The following PPM1E variants were observed in gnomAD, a reference collection of about 807,000 sequenced individuals.
PPM1E encodes the protein protein phosphatase 1E.
Under a neutral mutation model 65.9 loss-of-function variants are expected in PPM1E, and 20 were observed. The observed-to-expected ratio is 0.30, with a 90% CI of 0.21 to 0.44. The LOEUF is 0.44. Among genes scored for constraint, PPM1E ranks in the 20% least tolerant of loss-of-function variants. The pLI is 1.00. For missense variants in PPM1E, 713 were observed against 953.1 expected, an observed-to-expected ratio of 0.75 and a Z score of 3.32; for synonymous variants, 352 against 374.9, an observed-to-expected ratio of 0.94 and a Z score of 0.70.
At position 58,794,584 on chromosome 17, in the gene PPM1E, C is replaced by T. The variant is rs137917002; in HGVS notation, c.464+38123C>T. Among the ~76,000 whole-genome samples the T allele has an allele frequency of 7.8e-3, 1,189 of 152,190 alleles. 12 individuals are homozygous for T. Among genetic ancestry groups the T allele is most frequent in the Non-Finnish European group, 0.012 (811 of 68,004 alleles). On this transcript the variant is annotated intron_variant, in intron 1 of 6. Coordinates refer to ENST00000308249, the MANE Select transcript of PPM1E (RefSeq NM_014906.5). Reference sequence around the variant, plus strand: ...CTCCCACTCTTCATCTTCCGGTAGGCCCCAGTGTCTGTTGTTTCCTTCTTT... The same window carrying T: ...CTCCCACTCTTCATCTTCCGGTAGGTCCCAGTGTCTGTTGTTTCCTTCTTT...
chr17:58,851,647 G>A (rs558333084), intron 1 of PPM1E, among the ~76,000 whole-genome samples: 3 of 152,270 alleles, frequency 2.0e-5, no homozygotes, highest in Admixed American at 1.3e-4. Flanking sequence ...TGGAAGTTTC[G>A]TCTCAGAGGG....
intron 1 of PPM1E, among the ~76,000 whole-genome samples, chr17:58,941,417 G>C (rs1042486464): frequency 6.6e-6 from 1 of 151,994 alleles, no homozygotes; most frequent in African/African-American, 2.4e-5. Context: ...TGGTCATGCT[G>C]GGTGCAGTGG....
At chr17:58,946,234 G>A (rs753678578) in intron 1 of PPM1E, among the ~76,000 whole-genome samples, 14 of 152,062 alleles carry the variant, frequency 9.2e-5, no homozygotes, top group African/African-American at 1.2e-4. Flanking sequence ...CCAGTACCCC[G>A]TCACTCAGGA....
intron 1 of PPM1E, among the ~76,000 whole-genome samples, chr17:58,770,590 C>T (rs1041549354): frequency 1.5e-4 from 23 of 152,056 alleles, no homozygotes; most frequent in African/African-American, 5.6e-4. Context: ...AAAGCGTTCT[C>T]TCAGATTGAG....
At chr17:58,931,066 T>TAAAAAAAAAAAAA (rs774968022) in intron 1 of PPM1E, among the ~76,000 whole-genome samples, 37 of 83,074 alleles carry the variant, frequency 4.5e-4, no homozygotes, top group Non-Finnish European at 5.4e-4. Context: ...ATACAAAAAT[T>TAAAAAAAAAAAAA]AAAAAAAAAA....
At chr17:58,974,477 G>A (rs955446074) in intron 6 of PPM1E, among the ~76,000 whole-genome samples, 85 of 152,126 alleles carry the variant, frequency 5.6e-4, no homozygotes, top group African/African-American at 1.9e-3. Flanking sequence ...TAAGTTGGCT[G>A]GACAAAATAC....
chr17:58,825,870 C>G (rs1413900574), intron 1 of PPM1E, among the ~76,000 whole-genome samples: 1 of 151,902 alleles, frequency 6.6e-6, no homozygotes, highest in African/African-American at 2.4e-5. Context: ...GCACGCAGCC[C>G]CATTCTCTAC....
chr17:58,799,063 G>A (rs2050234797), intron 1 of PPM1E, among the ~76,000 whole-genome samples: 2 of 152,102 alleles, frequency 1.3e-5, no homozygotes, highest in Admixed American at 6.6e-5. Context: ...TGTATATAGT[G>A]TGAGATAAAG....
At chr17:58,850,148 T>A (rs1016887689) in intron 1 of PPM1E, among the ~76,000 whole-genome samples, 2 of 152,116 alleles carry the variant, frequency 1.3e-5, no homozygotes, top group Non-Finnish European at 2.9e-5. Context: ...CCTCCATCCC[T>A]TTATTTTGAG....
intron 1 of PPM1E, among the ~76,000 whole-genome samples, chr17:58,868,490 C>T (rs993824350): frequency 1.3e-5 from 2 of 151,562 alleles, no homozygotes; most frequent in African/African-American, 4.8e-5. Context: ...CCTCAGGGCA[C>T]TCCTATTCTT....
At chr17:58,763,699 A>G (rs1186230373) in intron 1 of PPM1E, among the ~76,000 whole-genome samples, 1 of 152,158 alleles carries the variant, frequency 6.6e-6, no homozygotes, top group Non-Finnish European at 1.5e-5. Flanking sequence ...GCAGTACTGT[A>G]TGAGGAGTCT....
intron 1 of PPM1E, among the ~76,000 whole-genome samples, chr17:58,826,709 T>A (rs978759507): frequency 6.6e-6 from 1 of 152,136 alleles, no homozygotes; most frequent in Non-Finnish European, 1.5e-5. Flanking sequence ...CACTGCAACC[T>A]CTGCCTCCCA....
chr17:58,900,713 G>C (rs567632756), intron 1 of PPM1E, among the ~76,000 whole-genome samples: 1 of 152,240 alleles, frequency 6.6e-6, no homozygotes, highest in East Asian at 1.9e-4. Flanking sequence ...TCTTTAACCT[G>C]TTCCCTTACT....
chr17:58,947,126 T>G (rs2052164745), intron 1 of PPM1E, among the ~76,000 whole-genome samples: 1 of 144,794 alleles, frequency 6.9e-6, no homozygotes, highest in Non-Finnish European at 1.5e-5. Flanking sequence ...TTTTTTTTTT[T>G]TTTTTTTTTT....
intron 1 of PPM1E, among the ~76,000 whole-genome samples, chr17:58,915,832 T>G (rs552916166): frequency 5.3e-5 from 8 of 152,360 alleles, no homozygotes; most frequent in African/African-American, 1.7e-4. Context: ...TAATGCTGAA[T>G]TAGTAGATAG....
intron 1 of PPM1E, among the ~76,000 whole-genome samples, chr17:58,895,949 C>CAAA (rs34230027): frequency 3.9e-5 from 5 of 127,782 alleles, no homozygotes; most frequent in African/African-American, 2.9e-5. Context: ...GCTAAACATA[C>CAAA]AAAAAAAAAA....
intron 1 of PPM1E, among the ~76,000 whole-genome samples, chr17:58,875,854 A>G (rs537124274): frequency 6.6e-6 from 1 of 152,168 alleles, no homozygotes; most frequent in Non-Finnish European, 1.5e-5. Flanking sequence ...GGATATAGCT[A>G]GTTTAATCAT....
chr17:58,818,888 A>G (rs955175106), intron 1 of PPM1E, among the ~76,000 whole-genome samples: 4 of 152,174 alleles, frequency 2.6e-5, no homozygotes, highest in South Asian at 2.1e-4. Flanking sequence ...GGTAGCTGCA[A>G]CTAAGTCAGG....
chr17:58,973,402 G>A (rs1388110829), intron 6 of PPM1E, among the ~76,000 whole-genome samples: 1 of 143,512 alleles, frequency 7.0e-6, no homozygotes, highest in African/African-American at 2.6e-5. Flanking sequence ...GGGTGACAGT[G>A]TGAGACTGTC....
Sources: allele counts gnomAD v4.1 joint callset (sites outside exome capture counted in the v4.1 genomes callset), GRCh38; gene constraint gnomAD v4.1.1; transcripts MANE v1.5; gene names NCBI Gene and HGNC (gene_info 2026-07-23, HGNC 2026-07-21).